DROSHA: variants seen among roughly 807,000 people sequenced by gnomAD.
DROSHA encodes drosha ribonuclease III.
Under a neutral mutation model 181.9 loss-of-function variants are expected in DROSHA, and 56 were observed. The observed-to-expected ratio is 0.31, with a 90% CI of 0.25 to 0.38. The LOEUF is 0.38. Among genes scored for constraint, DROSHA ranks in the 10% least tolerant of loss-of-function variants. DROSHA has a pLI of 1.00. For synonymous variants in DROSHA, 524 were observed against 591.2 expected (o/e 0.89, Z 1.65); for missense variants, 1,218 against 1,743.5 (o/e 0.70, Z 5.37).
At chr5:31,452,806 C>T (rs752421070) in intron 20 of DROSHA, among the ~76,000 whole-genome samples, 1 of 152,198 alleles carries the variant, frequency 6.6e-6, no homozygotes, top group Non-Finnish European at 1.5e-5. Context: ...ACGTGTAAGG[C>T]CTTACAATAT....
intron 9 of DROSHA, 46 bp downstream of exon 9, chr5:31,510,989 A>T (rs1738599593): frequency 6.3e-7 from 1 of 1,590,402 alleles, no homozygotes; most frequent in Non-Finnish European, 8.5e-7. Context: ...TTAGGAATGA[A>T]GCTATAATCG....
chr5:31,518,927 T>C (rs1739570239), intron 6 of DROSHA, among the ~76,000 whole-genome samples: 2 of 152,222 alleles, frequency 1.3e-5, no homozygotes, highest in African/African-American at 4.8e-5. Context: ...GGGTCAGTTG[T>C]TGTGAACATC....
At chr5:31,509,797 C>T (rs1009840931) in intron 9 of DROSHA, among the ~76,000 whole-genome samples, 2 of 152,082 alleles carry the variant, frequency 1.3e-5, no homozygotes, top group African/African-American at 4.8e-5. Flanking sequence ...AAGACAAATA[C>T]TACATGATTC....
At chr5:31,457,366 C>A (rs1300736775) in intron 20 of DROSHA, among the ~76,000 whole-genome samples, 1 of 152,086 alleles carries the variant, frequency 6.6e-6, no homozygotes, top group Non-Finnish European at 1.5e-5. Flanking sequence ...CTCAGGTGAT[C>A]TGCCCACCTC....
chr5:31,488,413 C>CAA (rs746732224), intron 13 of DROSHA, among the ~76,000 whole-genome samples: 120 of 63,908 alleles, frequency 1.9e-3, no homozygotes, highest in African/African-American at 3.1e-3. Flanking sequence ...ACTCTATCAC[C>CAA]AAAAAAAAAA....
At chr5:31,480,671 C>G (rs919123244) in intron 16 of DROSHA, among the ~76,000 whole-genome samples, 1 of 152,002 alleles carries the variant, frequency 6.6e-6, no homozygotes, top group Non-Finnish European at 1.5e-5. Flanking sequence ...CACTAGTAAC[C>G]AAAAACATGA....
At chr5:31,432,965 C>T (rs114381087) in intron 25 of DROSHA, among the ~76,000 whole-genome samples, 3,657 of 152,248 alleles carry the variant, frequency 0.024, 104 homozygotes, top group African/African-American at 0.062. Flanking sequence ...AAGAAAGCTA[C>T]AAACATTGCA....
chr5:31,476,007 A>T (rs1750322567), intron 16 of DROSHA, among the ~76,000 whole-genome samples: 1 of 152,208 alleles, frequency 6.6e-6, no homozygotes, highest in African/African-American at 2.4e-5. Context: ...TAAAGGCTTC[A>T]TTTCTGTAGA....
intron 16 of DROSHA, among the ~76,000 whole-genome samples, chr5:31,482,639 AGGCT>A (rs1338668716): frequency 1.3e-5 from 2 of 152,166 alleles, no homozygotes; most frequent in Non-Finnish European, 2.9e-5. Context: ...GAAGTTCACC[AGGCT>A]GGTAACAGAA....
In DROSHA at chr5:31,526,679, A is replaced by G; in HGVS notation, c.254T>C (p.Met85Thr). The change falls in exon 5 of 36, where the codon ATG becomes ACG. Residue 85 changes from methionine to threonine, a missense_variant. By Grantham distance (81) the Met-to-Thr change is moderately conservative (BLOSUM62 -1). This residue lies in a region of DROSHA where 536 missense variants were observed against 535.4 expected (regional missense o/e 1.00). Transcript: ENST00000344624. Reference sequence around the variant, plus strand: ...AAGAGGGCCTTGCGCTGACGGAGGCATGGGTGGGGGGAAGGGTACAAAGTC... The same window carrying G: ...AAGAGGGCCTTGCGCTGACGGAGGCGTGGGTGGGGGGAAGGGTACAAAGTC... ...RPDFVPFPPP[M>T]PPSAQGPLPP... 1 of 1,076,838 alleles carries G rather than the reference A, an allele frequency of 9.3e-7. No individual in the cohort carries two copies. The highest frequency in any genetic ancestry group is 5.4e-5 in the East Asian group (1 of 18,560). 66.7% of individuals were successfully genotyped at this position (1,076,838 alleles called of 1,614,324 possible).
chr5:31,414,113 G>A (rs898013733), intron 30 of DROSHA, among the ~76,000 whole-genome samples: 14 of 152,172 alleles, frequency 9.2e-5, no homozygotes, highest in Non-Finnish European at 1.9e-4. Context: ...GAGGAGAGCT[G>A]ATGCAGTGAG....
chr5:31,476,707 G>A (rs1750405219), intron 16 of DROSHA, among the ~76,000 whole-genome samples: 1 of 152,156 alleles, frequency 6.6e-6, no homozygotes, highest in South Asian at 2.1e-4. Flanking sequence ...GTCTGGTTTT[G>A]GGGCTCGATT....
chr5:31,472,293 T>G lies in DROSHA; in HGVS notation c.2072-61A>C. The G allele has an allele frequency of 5.4e-6, 8 of 1,487,480 alleles. No homozygotes were observed. The South Asian group carries it at 1.1e-4, about 21-fold the overall frequency. 92.1% of individuals were successfully genotyped at this position (1,487,480 alleles called of 1,614,324 possible). ...ATAAGGCTACTCAACTTACAGCAAA[T>G]CAACAACTGAATAAGGAAAAAAACA... On this transcript the variant is annotated intron_variant, in intron 16 of 35. Transcript: ENST00000344624.
chr5:31,490,024 C>G (rs143244269), intron 13 of DROSHA, among the ~76,000 whole-genome samples: 3,873 of 151,830 alleles, frequency 0.026, 163 homozygotes, highest in African/African-American at 0.089. Flanking sequence ...TACAGGTGCC[C>G]GCCACCACAC....
chr5:31,406,719 C>T, intron 34 of DROSHA, 134 bp downstream of exon 34: 1 of 758,538 alleles, frequency 1.3e-6, no homozygotes, highest in Middle Eastern at 2.5e-4. Context: ...TCCTGGAATT[C>T]ACTTTGCTAC....
At chr5:31,458,571 G>C (rs1012502769) in intron 20 of DROSHA, among the ~76,000 whole-genome samples, 6 of 152,118 alleles carry the variant, frequency 3.9e-5, no homozygotes, top group African/African-American at 1.4e-4. Flanking sequence ...CAAATAAAGA[G>C]AGTCCTCACC....
chr5:31,403,742 A>G (rs1013497853), intron 35 of DROSHA, among the ~76,000 whole-genome samples: 1 of 152,204 alleles, frequency 6.6e-6, no homozygotes, highest in African/African-American at 2.4e-5. Flanking sequence ...CTGCAATGGC[A>G]GAGTTGGAGA....
chr5:31,406,999 T>TACTATGTA, intron 33 of DROSHA, 54 bp from the exon 34 acceptor site: 1 of 1,530,906 alleles, frequency 6.5e-7, no homozygotes, highest in Non-Finnish European at 9.0e-7. Context: ...TTGTCATGGT[T>TACTATGTA]ACTATGTAAC....
rs531580473 is a variant in DROSHA at position 31,423,129 on chromosome 5, A to G, written c.3262-185T>C. On this transcript the variant is annotated intron_variant, in intron 28 of 35. Coordinates refer to ENST00000344624, the MANE Select transcript of DROSHA (RefSeq NM_001382508.1). The stretch of plus-strand genomic sequence containing the variant: ...GGCAAACAAATCTAATATTTAAAGA[A>G]GGTTCAAATAATATTTTCCAATCTT... 23 of 559,474 alleles carry G rather than the reference A, an allele frequency of 4.1e-5. No individual in the cohort carries two copies. In the East Asian group the frequency reaches 7.3e-4, roughly 18 times the overall value. The allele number at this position is 559,474 out of a possible 1,614,324, so 34.7% of individuals were successfully genotyped here.
Sources: gnomAD v4.1 joint callset for allele counts (sites outside exome capture counted in the v4.1 genomes callset) on GRCh38, gnomAD v4.1.1 for gene constraint, gnomAD v4.1.1 regional missense constraint, MANE v1.5 for transcripts, NCBI Gene and HGNC (gene_info 2026-07-23, HGNC 2026-07-21) for gene names.